The following NRL variants were observed in gnomAD, a reference collection of about 807,000 sequenced individuals.
NRL encodes neural retina leucine zipper.
A neutral mutation model predicts 12.5 loss-of-function variants in NRL; 16 were observed. The observed-to-expected ratio is 1.28, with a 90% CI of 0.87 to 1.95. The LOEUF is 1.95. Among genes scored for constraint, NRL ranks in the 30% most tolerant of loss-of-function variants. The pLI, the probability that NRL is intolerant of heterozygous loss-of-function variation, is 0.00. For synonymous variants in NRL, 142 were observed against 150.9 expected, an observed-to-expected ratio of 0.94 and a Z score of 0.43; for missense variants, 314 against 325.8, an observed-to-expected ratio of 0.96 and a Z score of 0.28.
chr14:24,092,456 G>C (rs918854711), intron 1 of NRL, among the ~76,000 whole-genome samples: 2 of 152,226 alleles, frequency 1.3e-5, no homozygotes, highest in Non-Finnish European at 2.9e-5. Context: ...GAAACCATGA[G>C]AGCAGGTGCA....
chr14:24,098,665 CCT>C lies in NRL; in HGVS notation c.-27-15792_-27-15791del. ...AGTGTCTGCACTCCGTGGGCCAGCC[CCT>C]GACAGGACAAGGTAAGCACCTGCTC... On this transcript the variant is annotated intron_variant, in intron 1 of 2. Coordinates refer to ENST00000561028, the MANE Select transcript of NRL (RefSeq NM_001354768.3). The C allele has an allele frequency of 6.2e-7, 1 of 1,613,676 alleles. No individual in the cohort carries two copies. The highest frequency in any genetic ancestry group is 8.5e-7 in the Non-Finnish European group (1 of 1,179,914).
At chr14:24,100,098 T>C in intron 1 of NRL, 1 of 1,612,614 alleles carries the variant, frequency 6.2e-7, no homozygotes, top group Admixed American at 1.7e-5. Context: ...AGAGTAACAC[T>C]ATTTTTACCA....
At position 24,081,655 on chromosome 14, in the gene NRL, G is replaced by A. The variant is rs1400882706; in HGVS notation, c.382-87C>T. The A allele has an allele frequency of 2.1e-5, 32 of 1,534,768 alleles. No homozygotes were observed. Among genetic ancestry groups the A allele is most frequent in the Non-Finnish European group, 2.7e-5 (31 of 1,140,280 alleles). ...GCCCGACGCTACCTGGCTCCGCCCC[G>A]GGACAGCCCCGCCCCGGCTCCCACC... On this transcript the variant is annotated intron_variant, in intron 2 of 2. Coordinates refer to ENST00000561028, the MANE Select transcript of NRL (RefSeq NM_001354768.3). The surrounding 1 kb of genome is among the most constrained non-coding windows in gnomAD (Gnocchi z 4.4).
chr14:24,094,676 C>A lies in NRL; in HGVS notation c.-27-11801G>T. The A allele has an allele frequency of 6.6e-7, 1 of 1,515,650 alleles. No homozygotes were observed. The highest frequency in any genetic ancestry group is 2.0e-5 in the Admixed American group (1 of 49,920). The allele number at this position is 1,515,650 out of a possible 1,614,324, so 93.9% of individuals were successfully genotyped here. ...TCTGCCTCGCTCGCCTCTGACCGCG[C>A]GATCTCTATCTGCCACTCTCAGAAC... On this transcript the variant is annotated intron_variant, in intron 1 of 2. Transcript: ENST00000561028. This position sits in a 1 kb window ranked among gnomAD's most constrained non-coding sequence, Gnocchi z 4.1.
chr14:24,088,740 G>A (rs1566564866), intron 1 of NRL, among the ~76,000 whole-genome samples: 1 of 150,876 alleles, frequency 6.6e-6, no homozygotes, highest in Non-Finnish European at 1.5e-5. Context: ...CTGTCTCCTG[G>A]GTTCAAGTGA....
At chr14:24,112,426 T>A (rs75359358) in intron 1 of NRL, among the ~76,000 whole-genome samples, 1 of 148,774 alleles carries the variant, frequency 6.7e-6, no homozygotes, top group Non-Finnish European at 1.5e-5. Flanking sequence ...GAAACTACCA[T>A]CAGAGTGAAC....
At chr14:24,084,033 C>A (rs1566562022) in intron 1 of NRL, among the ~76,000 whole-genome samples, 1 of 152,186 alleles carries the variant, frequency 6.6e-6, no homozygotes, top group Non-Finnish European at 1.5e-5. Context: ...AGAAGGTGCG[C>A]GGCATGGAGT....
At chr14:24,090,776 G>A (rs1382232743) in intron 1 of NRL, among the ~76,000 whole-genome samples, 2 of 152,234 alleles carry the variant, frequency 1.3e-5, no homozygotes, top group African/African-American at 2.4e-5. Context: ...AAAGAAAAGT[G>A]TGTGGCAGAT....
intron 1 of NRL, among the ~76,000 whole-genome samples, chr14:24,109,943 C>A (rs1329491757): frequency 6.6e-6 from 1 of 151,906 alleles, no homozygotes; most frequent in African/African-American, 2.4e-5. Flanking sequence ...AAAAGAGAAT[C>A]AAAAAATGAA....
intron 1 of NRL, among the ~76,000 whole-genome samples, chr14:24,104,746 G>A (rs1185297593): frequency 6.6e-6 from 1 of 151,940 alleles, no homozygotes; most frequent in Admixed American, 6.6e-5. Context: ...CACTTAGATT[G>A]CAGAAGCCTC....
At chr14:24,084,555 A>G (rs1044576207) in intron 1 of NRL, 7 of 985,498 alleles carry the variant, frequency 7.1e-6, no homozygotes, top group Non-Finnish European at 8.4e-6. Context: ...TCAGTGCCAG[A>G]GCCAGACAGG....
intron 1 of NRL, chr14:24,097,136 T>G: frequency 6.2e-7 from 1 of 1,613,586 alleles, no homozygotes; most frequent in Non-Finnish European, 8.5e-7. Context: ...GTACAATAAC[T>G]GGTAAGCCTT....
chr14:24,099,864 C>T (rs777829664), intron 1 of NRL: 136 of 1,568,184 alleles, frequency 8.7e-5, no homozygotes, highest in Admixed American at 3.0e-4. Flanking sequence ...CCCAGCCACC[C>T]GAGAGACAGC....
intron 1 of NRL, among the ~76,000 whole-genome samples, chr14:24,084,065 T>C (rs2036404236): frequency 6.6e-6 from 1 of 152,150 alleles, no homozygotes; most frequent in Admixed American, 6.5e-5. Context: ...GGGCTTAGAC[T>C]TCGGCTCCTT....
At position 24,094,345 on chromosome 14, in the gene NRL, C is replaced by T. The variant is rs932864966; in HGVS notation, c.-27-11470G>A. ...TTCGCCGCGCTCCCTCCTTCCCCGCCTTCCATACCTCCCCGGCTCCGCTCG... is the reference window on the plus strand; with the variant it reads ...TTCGCCGCGCTCCCTCCTTCCCCGCTTTCCATACCTCCCCGGCTCCGCTCG... On this transcript the variant is annotated intron_variant, in intron 1 of 2. Transcript: ENST00000561028. This position sits in a 1 kb window ranked among gnomAD's most constrained non-coding sequence, Gnocchi z 4.1. The T allele has an allele frequency of 3.4e-6, 5 of 1,484,196 alleles. No individual in the cohort carries two copies. Among genetic ancestry groups the T allele is most frequent in the Admixed American group, 2.0e-5 (1 of 50,290 alleles). 91.9% of individuals were successfully genotyped at this position (1,484,196 alleles called of 1,614,324 possible).
At chr14:24,086,397 C>T (rs1466054685) in intron 1 of NRL, among the ~76,000 whole-genome samples, 3 of 152,196 alleles carry the variant, frequency 2.0e-5, no homozygotes, top group Admixed American at 6.5e-5. Flanking sequence ...TCTTCCCACA[C>T]CTGGGTTTCT....
intron 1 of NRL, chr14:24,099,241 G>A (rs761839098): frequency 1.3e-6 from 2 of 1,586,498 alleles, no homozygotes; most frequent in African/African-American, 1.3e-5. Flanking sequence ...ATGCTGGTGA[G>A]GGCCTGGTGA....
In NRL at chr14:24,079,512, A is replaced by T. The variant is rs115212869; in HGVS notation, c.*1724T>A. ...AATGGTGGGGAAGGGAGAGGAGACG[A>T]GAGAAATTCTGAGAGCGATGGAGGA... On this transcript the variant is annotated 3_prime_UTR_variant, in exon 3 of 3. Transcript: ENST00000561028. Among the ~76,000 whole-genome samples, 1,065 of 152,260 alleles carry T rather than the reference A, an allele frequency of 7.0e-3. 6 individuals are homozygous for T. The highest frequency in any genetic ancestry group is 0.019 in the African/African-American group (777 of 41,542).
chr14:24,100,613 T>C, intron 1 of NRL: 1 of 1,048,836 alleles, frequency 9.5e-7, no homozygotes, highest in East Asian at 7.5e-5. Context: ...CTTTTGAACA[T>C]TCTTACAGAA....
Sources: gnomAD v4.1 joint callset for allele counts (sites outside exome capture counted in the v4.1 genomes callset) on GRCh38, gnomAD v4.1.1 for gene constraint, Gnocchi (gnomAD v3.1) non-coding constraint, MANE v1.5 for transcripts, NCBI Gene and HGNC (gene_info 2026-07-23, HGNC 2026-07-21) for gene names.